CFAP57: variants seen among roughly 807,000 people sequenced by gnomAD.
The protein encoded by CFAP57 is cilia and flagella associated protein 57, also known as cilia- and flagella-associated protein 57.
Under a neutral mutation model 146.8 loss-of-function variants are expected in CFAP57, and 116 were observed. The ratio of observed to expected loss-of-function variants is 0.79; its 90% CI spans 0.68 to 0.92. The LOEUF is 0.92. CFAP57 is among the 40% of genes least tolerant of loss of function. The pLI is 0.00. For synonymous variants in CFAP57, 518 were observed against 552.8 expected (o/e 0.94, Z 0.88); for missense variants, 1,377 against 1,527.2 (o/e 0.90, Z 1.64).
Position 43,181,225 on chromosome 1 carries a change from C to A in CFAP57, c.158-309C>A, listed in dbSNP as rs564468878. Among the ~76,000 whole-genome samples the A allele has an allele frequency of 1.6e-3, 247 of 152,300 alleles. 2 individuals carry two copies. The highest frequency in any genetic ancestry group is 3.0e-3 in the Non-Finnish European group (207 of 68,030). ...TAGCTGGGATTACAGGTGCCTGCCA[C>A]CACACCCGGCTAATTTTTTTATTTT... On this transcript the variant is annotated intron_variant, in intron 2 of 22. Coordinates refer to ENST00000372492, the MANE Select transcript of CFAP57 (RefSeq NM_001378189.1).
intron 4 of CFAP57, 65 bp from the exon 5 acceptor site, chr1:43,185,084 C>T (rs1437502536): frequency 1.9e-6 from 3 of 1,558,598 alleles, no homozygotes; most frequent in East Asian, 2.2e-5. Context: ...CTTTCTCCTC[C>T]CCAGCAGAAT....
Position 43,201,508 on chromosome 1 carries a change from C to T in CFAP57, c.1542+2005C>T, listed in dbSNP as rs1381091222. Among the ~76,000 whole-genome samples the T allele has an allele frequency of 1.3e-5, 2 of 152,214 alleles. No homozygotes were observed. Among genetic ancestry groups the T allele is most frequent in the Admixed American group, 1.3e-4 (2 of 15,288 alleles). On this transcript the variant is annotated intron_variant, in intron 9 of 22. Coordinates refer to ENST00000372492, the MANE Select transcript of CFAP57 (RefSeq NM_001378189.1). This position sits in a 1 kb window ranked among gnomAD's most constrained non-coding sequence, Gnocchi z 4.4. The stretch of plus-strand genomic sequence containing the variant: ...CAAGCATTTTTGTTTGTTTTTGAGA[C>T]GGAGTCTCACTCTGTCACCCAGGCT...
chr1:43,208,758 C>T (rs574535538), intron 10 of CFAP57, among the ~76,000 whole-genome samples: 3 of 151,776 alleles, frequency 2.0e-5, no homozygotes, highest in South Asian at 2.1e-4. Flanking sequence ...CAAACCTGCA[C>T]GTTGTGCACA....
intron 18 of CFAP57, 129 bp downstream of exon 18, chr1:43,227,255 C>G (rs1645281029): frequency 8.7e-7 from 1 of 1,148,124 alleles, no homozygotes; most frequent in Non-Finnish European, 1.2e-6. Flanking sequence ...GTGTGTGCAG[C>G]CTCCAGTCCA....
At position 43,206,827 on chromosome 1, in the gene CFAP57, C is replaced by G. The variant is rs780445927; in HGVS notation, c.1650C>G (p.Cys550Trp). ...CCACAGGAAAGAGAGAGACAGAATG[C>G]GTGCTCAAGTCTTGCAGCTACAACT... The part of the protein sequence containing the change: ...NLSTGKRETE[C>W]VLKSCSYNCV... The change falls in exon 10 of 23, where the codon TGC becomes TGG. Residue 550 changes from cysteine to tryptophan, a missense_variant. By Grantham distance (215) the Cys-to-Trp change is radical. Coordinates refer to ENST00000372492, the MANE Select transcript of CFAP57 (RefSeq NM_001378189.1). The G allele has an allele frequency of 5.0e-6, 8 of 1,614,154 alleles. No individual in the cohort carries two copies. The Admixed American group carries it at 5.0e-5, about 10-fold the overall frequency.
chr1:43,191,337 C>G (rs1643507420), intron 6 of CFAP57, among the ~76,000 whole-genome samples: 1 of 152,100 alleles, frequency 6.6e-6, no homozygotes, highest in Non-Finnish European at 1.5e-5. Context: ...CCTGCAATCC[C>G]AGCACTTTGG....
chr1:43,215,213 T>C (rs1324484447), intron 11 of CFAP57, 42 bp from the exon 12 acceptor site: 25 of 1,550,180 alleles, frequency 1.6e-5, no homozygotes, highest in Non-Finnish European at 2.1e-5. Context: ...TGGTCATCTG[T>C]GGCCTTGAAA....
At chr1:43,244,731 C>T (rs1416717059) in intron 22 of CFAP57, among the ~76,000 whole-genome samples, 1 of 151,704 alleles carries the variant, frequency 6.6e-6, no homozygotes, top group Non-Finnish European at 1.5e-5. Flanking sequence ...TGTGAAACCC[C>T]GTCTCTACTA....
intron 6 of CFAP57, 125 bp from the exon 7 acceptor site, chr1:43,197,428 G>C: frequency 1.7e-6 from 2 of 1,147,312 alleles, no homozygotes; most frequent in Non-Finnish European, 2.6e-6. Context: ...TATTCAAACA[G>C]TTTAGCCACA....
Position 43,206,875 on chromosome 1 carries a change from C to A in CFAP57, c.1698C>A (p.Ala566=). The A allele has an allele frequency of 1.2e-6, 2 of 1,614,130 alleles. No homozygotes were observed. Among genetic ancestry groups the A allele is most frequent in the Non-Finnish European group, 1.7e-6 (2 of 1,180,018 alleles). The change falls in exon 10 of 23, where the codon GCC becomes GCA. Residue 566 remains alanine, a synonymous_variant. Transcript: ENST00000372492. ...SYNCVTVSPD[A]KIIFAVGSDH... ...ACTGTGTTACTGTCTCCCCCGATGCCAAAATTATCTTTGCTGTTGGATCAG... is the reference window on the plus strand; with the variant it reads ...ACTGTGTTACTGTCTCCCCCGATGCAAAAATTATCTTTGCTGTTGGATCAG...
At chr1:43,186,153 G>A (rs1168540586) in intron 5 of CFAP57, among the ~76,000 whole-genome samples, 1 of 151,850 alleles carries the variant, frequency 6.6e-6, no homozygotes, top group African/African-American at 2.4e-5. Flanking sequence ...GAGGTGAGAG[G>A]ATGGCTTGAG....
intron 21 of CFAP57, among the ~76,000 whole-genome samples, chr1:43,237,807 G>A (rs1023933436): frequency 1.2e-4 from 18 of 151,952 alleles, no homozygotes; most frequent in South Asian, 4.2e-4. Flanking sequence ...TGGAAAGGGC[G>A]TCCATGCCAT....
chr1:43,240,470 AC>A (rs1645870187), intron 21 of CFAP57, among the ~76,000 whole-genome samples: 1 of 152,196 alleles, frequency 6.6e-6, no homozygotes, highest in Non-Finnish European at 1.5e-5. Flanking sequence ...CAGACAGTGA[AC>A]ATACACCCTT....
At chr1:43,244,590 C>T (rs1646042714) in intron 22 of CFAP57, among the ~76,000 whole-genome samples, 1 of 152,112 alleles carries the variant, frequency 6.6e-6, no homozygotes, top group Non-Finnish European at 1.5e-5. Flanking sequence ...GATGTGAGAG[C>T]ATAGCGTGTG....
At chr1:43,220,627 G>A (rs376245731) in intron 13 of CFAP57, among the ~76,000 whole-genome samples, 7 of 152,160 alleles carry the variant, frequency 4.6e-5, no homozygotes, top group African/African-American at 1.7e-4. Flanking sequence ...GGGAGGCTGG[G>A]ATGGGAGGAC....
At chr1:43,183,345 C>T (rs1238847895) in intron 3 of CFAP57, among the ~76,000 whole-genome samples, 2 of 152,136 alleles carry the variant, frequency 1.3e-5, no homozygotes, top group Non-Finnish European at 2.9e-5. Context: ...TTGTCAAAAG[C>T]TGTTCATTCT....
At chr1:43,186,885 C>G (rs1446456376) in intron 6 of CFAP57, 26 bp downstream of exon 6, 3 of 1,613,670 alleles carry the variant, frequency 1.9e-6, no homozygotes, top group Non-Finnish European at 2.5e-6. Context: ...AATGGTCCTT[C>G]CAGACCAGGA....
intron 19 of CFAP57, among the ~76,000 whole-genome samples, chr1:43,233,630 T>C (rs1025268170): frequency 1.4e-4 from 22 of 151,992 alleles, no homozygotes; most frequent in Admixed American, 2.6e-4. Context: ...GGATGACTGG[T>C]GATTTGTGGC....
At chr1:43,193,628 C>T (rs1401502372) in intron 6 of CFAP57, among the ~76,000 whole-genome samples, 2 of 151,982 alleles carry the variant, frequency 1.3e-5, no homozygotes, top group Non-Finnish European at 2.9e-5. Context: ...TGCCACATAG[C>T]TACCTTCCCT....
Sources: gnomAD v4.1 joint callset for allele counts (sites outside exome capture counted in the v4.1 genomes callset) on GRCh38, gnomAD v4.1.1 for gene constraint, Gnocchi (gnomAD v3.1) non-coding constraint, MANE v1.5 for transcripts, NCBI Gene and HGNC (gene_info 2026-07-23, HGNC 2026-07-21) for gene names.